SCEL: variants seen among roughly 807,000 people sequenced by gnomAD.
SCEL encodes sciellin.
In SCEL, 113 loss-of-function variants were observed where a neutral mutation model predicts 117.6. That is an observed-to-expected ratio of 0.96 (90% confidence interval 0.83 to 1.12). SCEL has a LOEUF of 1.12. Among genes scored for constraint, SCEL ranks in the 50% most tolerant of loss-of-function variants. The pLI is 0.00. For synonymous variants in SCEL, 270 were observed against 256.2 expected (o/e 1.05, Z -0.51); for missense variants, 785 against 810.8 (o/e 0.97, Z 0.39).
chr13:77,638,513 ATAAAAG>A (rs2090410881), intron 30 of SCEL, among the ~76,000 whole-genome samples: 1 of 152,242 alleles, frequency 6.6e-6, no homozygotes, highest in African/African-American at 2.4e-5. Context: ...AACATTCTCC[ATAAAAG>A]TATTGCTGTT....
chr13:77,542,004 T>C (rs2083726697), intron 1 of SCEL, among the ~76,000 whole-genome samples: 1 of 152,224 alleles, frequency 6.6e-6, no homozygotes, highest in South Asian at 2.1e-4. Context: ...ATAACTTTTA[T>C]TGGATAGCTT....
chr13:77,585,932 A>G (rs993466201), intron 9 of SCEL, among the ~76,000 whole-genome samples: 3 of 151,998 alleles, frequency 2.0e-5, no homozygotes. Context: ...TTTTCCCTCT[A>G]AACTGACATA....
At chr13:77,602,031 CTCTT>C (rs768182930) in intron 15 of SCEL, 30 bp from the exon 16 acceptor site, 9 of 1,576,554 alleles carry the variant, frequency 5.7e-6, no homozygotes, top group East Asian at 2.3e-5. Context: ...GCCTCACTCT[CTCTT>C]TCTCTTTCTT....
chr13:77,591,565 C>T (rs1260953843), intron 11 of SCEL, 105 bp downstream of exon 11: 1 of 678,864 alleles, frequency 1.5e-6, no homozygotes, highest in East Asian at 2.8e-5. Context: ...TAGACAAAAT[C>T]AGTTTTCCAA....
In SCEL at chr13:77,593,297, T is replaced by TGTG. The variant is rs776632183; in HGVS notation, c.693-217_693-216insGTG. 8.8e-3 allele frequency among the ~76,000 whole-genome samples: 1,025 copies of TGTG among 117,110 alleles called. 11 individuals carry two copies. The highest frequency in any genetic ancestry group is 0.011 in the Non-Finnish European group (572 of 52,486). The allele number at this position is 117,110 out of a possible 152,430, so 76.8% of individuals were successfully genotyped here. A position where few individuals can be genotyped will look rare whatever the true frequency, so the allele number is the denominator to read the frequency against. ...GTGTGTGTGTGTGTGTGTGTGTGTG[T>TGTG]CTGTGTGTGTGTGTGTGTGTGTCAG... On this transcript the variant is annotated intron_variant, in intron 11 of 32. Transcript: ENST00000349847.
At chr13:77,605,156 A>G (rs897707850) in intron 19 of SCEL, among the ~76,000 whole-genome samples, 1 of 152,252 alleles carries the variant, frequency 6.6e-6, no homozygotes, top group Non-Finnish European at 1.5e-5. Context: ...GTAACAAACA[A>G]TTGCATGTAG....
chr13:77,543,294 G>A (rs1360583625), intron 1 of SCEL, among the ~76,000 whole-genome samples: 2 of 151,204 alleles, frequency 1.3e-5, no homozygotes, highest in Non-Finnish European at 1.5e-5. Flanking sequence ...CGTTTTAGCC[G>A]GGATGGTCTC....
intron 27 of SCEL, among the ~76,000 whole-genome samples, chr13:77,619,603 C>G (rs1357350834): frequency 6.6e-6 from 1 of 152,054 alleles, no homozygotes; most frequent in Non-Finnish European, 1.5e-5. Context: ...GTTAAAATGA[C>G]AGTGAGGAAA....
chr13:77,559,823 G>T lies in SCEL; in HGVS notation c.181G>T (p.Val61Leu). 6.2e-7 allele frequency: 1 copy of T among 1,613,878 alleles called. No homozygotes were observed. ...TTGCAGAGATGAAAATTACGGTAGG[G>T]TGGTGCTCAACCGACATAATTCCCA... The part of the protein sequence containing the change: ...EEEKDENYGR[V>L]VLNRHNSHDA... Residue 61 changes from valine to leucine, a missense_variant, in exon 4 of 33, where the codon GTG becomes TTG. Transcript: ENST00000349847.
At chr13:77,582,731 A>C (rs574132436) in intron 9 of SCEL, among the ~76,000 whole-genome samples, 31 of 152,314 alleles carry the variant, frequency 2.0e-4, no homozygotes, top group Non-Finnish European at 3.4e-4. Context: ...AATTTAATGA[A>C]ATCCAATTTA....
intron 5 of SCEL, among the ~76,000 whole-genome samples, chr13:77,564,631 A>T (rs1215580367): frequency 6.6e-6 from 1 of 152,222 alleles, no homozygotes; most frequent in Non-Finnish European, 1.5e-5. Context: ...CCTATTAAAT[A>T]GGCACCATAA....
Position 77,602,703 on chromosome 13 carries a change from A to T in SCEL, c.1027A>T (p.Thr343Ser), listed in dbSNP as rs2087798126. ...TAAAGTGAATGCCAGGATGAATAAA[A>T]CGAGCAGAAGGTGAGAACTGAACAG... ...VAKVNARMNK[T>S]SRRSEDLDNA... Residue 343 changes from threonine to serine, a missense_variant, in exon 17 of 33, where the codon ACG becomes TCG. Thr to Ser is a moderately conservative substitution (Grantham distance 58). Transcript: ENST00000349847. 6.2e-7 allele frequency: 1 copy of T among 1,613,700 alleles called. No homozygotes were observed. The highest frequency in any genetic ancestry group is 8.5e-7 in the Non-Finnish European group (1 of 1,179,722).
intron 9 of SCEL, among the ~76,000 whole-genome samples, chr13:77,576,457 C>G (rs190857899): frequency 6.6e-6 from 1 of 152,106 alleles, no homozygotes; most frequent in Non-Finnish European, 1.5e-5. Context: ...CTCTTCTCCT[C>G]TTGTTCTGTG....
intron 9 of SCEL, among the ~76,000 whole-genome samples, chr13:77,585,987 A>G (rs2086543368): frequency 6.6e-6 from 1 of 151,810 alleles, no homozygotes; most frequent in African/African-American, 2.4e-5. Context: ...GCTTCTCATC[A>G]CCACCTGCTG....
At chr13:77,642,463 T>C (rs1232100871) in intron 31 of SCEL, among the ~76,000 whole-genome samples, 2 of 152,212 alleles carry the variant, frequency 1.3e-5, no homozygotes, top group Non-Finnish European at 2.9e-5. Flanking sequence ...TCCCTTAAGT[T>C]AGCAAACAAT....
chr13:77,634,453 A>G lies in SCEL; in HGVS notation c.1763+3A>G, dbSNP rs748869639. 3.1e-6 allele frequency: 5 copies of G among 1,603,256 alleles called. No individual in the cohort carries two copies. Among genetic ancestry groups the G allele is most frequent in the Non-Finnish European group, 4.3e-6 (5 of 1,170,944 alleles). ...ACAAGGACATATGTGGAGAATAGGT[A>G]TTCAAAATTTATTTCAAATATATTG... On this transcript the variant is annotated splice_donor_region_variant and intron_variant, in intron 29 of 32. Coordinates refer to ENST00000349847, the MANE Select transcript of SCEL (RefSeq NM_144777.3).
At chr13:77,565,500 A>G (rs894291703) in intron 5 of SCEL, among the ~76,000 whole-genome samples, 6 of 152,208 alleles carry the variant, frequency 3.9e-5, no homozygotes, top group African/African-American at 1.4e-4. Flanking sequence ...CTCATTCCCA[A>G]GGCACTAAAT....
Position 77,567,744 on chromosome 13 carries a change from A to G in SCEL, c.355A>G (p.Asn119Asp), listed in dbSNP as rs1342582548. 3.1e-6 allele frequency: 5 copies of G among 1,592,034 alleles called. No individual in the cohort carries two copies. Among genetic ancestry groups the G allele is most frequent in the Non-Finnish European group, 4.3e-6 (5 of 1,164,034 alleles). The part of the protein sequence containing the change: ...KANTLDNQLT[N>D]RSMSMFRSLE... Reference sequence around the variant, plus strand: ...CAATACCTTGGATAACCAACTAACCAATAGGTACCAGTATCTACTAACTAT... The same window carrying G: ...CAATACCTTGGATAACCAACTAACCGATAGGTACCAGTATCTACTAACTAT... Residue 119 changes from asparagine (N) to aspartate (D), a missense_variant, in exon 6 of 33, where the codon AAT becomes GAT. Transcript: ENST00000349847.
chr13:77,603,036 G>A lies in SCEL; in HGVS notation c.1038-40G>A, dbSNP rs539980966. On this transcript the variant is annotated intron_variant, in intron 17 of 32. Coordinates refer to ENST00000349847, the MANE Select transcript of SCEL (RefSeq NM_144777.3). The stretch of plus-strand genomic sequence containing the variant: ...AGAAGATGTATGTGTCTAATATTAT[G>A]GGAATGTTTTGAAACTGATATAAAC... The A allele has an allele frequency of 2.6e-5, 29 of 1,123,922 alleles. 2 individuals are homozygous for A. In the South Asian group the frequency reaches 3.8e-4, roughly 15 times the overall value. The allele number at this position is 1,123,922 out of a possible 1,614,324, so 69.6% of individuals were successfully genotyped here.
Sources: gnomAD v4.1 joint callset for allele counts (sites outside exome capture counted in the v4.1 genomes callset) on GRCh38, gnomAD v4.1.1 for gene constraint, MANE v1.5 for transcripts, NCBI Gene and HGNC (gene_info 2026-07-23, HGNC 2026-07-21) for gene names.